DENND4C: variants seen among roughly 807,000 people sequenced by gnomAD.
The protein encoded by DENND4C is DENN domain-containing protein 4C.
A neutral mutation model predicts 203.0 loss-of-function variants in DENND4C; 108 were observed. That is an observed-to-expected ratio of 0.53 (90% CI 0.46 to 0.62). DENND4C has a LOEUF of 0.62. Among genes scored for constraint, DENND4C ranks in the 20% least tolerant of loss-of-function variants. The pLI, the probability that DENND4C is intolerant of heterozygous loss-of-function variation, is 0.00. For missense variants in DENND4C, 2,481 were observed against 2,301.2 expected, an observed-to-expected ratio of 1.08 and a Z score of -1.60; for synonymous variants, 871 against 792.4, an observed-to-expected ratio of 1.10 and a Z score of -1.67.
intron 16 of DENND4C, among the ~76,000 whole-genome samples, chr9:19,330,538 C>A (rs1372942256): frequency 6.6e-6 from 1 of 151,690 alleles, no homozygotes; most frequent in Admixed American, 6.6e-5. Flanking sequence ...CAGGGCTTTA[C>A]CATGTTGGCC....
intron 17 of DENND4C, among the ~76,000 whole-genome samples, chr9:19,333,533 A>G (rs946366426): frequency 6.6e-5 from 10 of 152,178 alleles, no homozygotes; most frequent in African/African-American, 2.4e-4. Flanking sequence ...CCGGAGAGCG[A>G]AATTGCTCCT....
At chr9:19,367,515 C>A (rs35632082) in intron 30 of DENND4C, among the ~76,000 whole-genome samples, 3 of 152,144 alleles carry the variant, frequency 2.0e-5, no homozygotes, top group Admixed American at 2.0e-4. Context: ...GCCGGCAGAT[C>A]ACTTGAGGTC....
At chr9:19,242,294 A>G (rs1190474690) in intron 1 of DENND4C, among the ~76,000 whole-genome samples, 2 of 152,236 alleles carry the variant, frequency 1.3e-5, no homozygotes, top group African/African-American at 4.8e-5. Flanking sequence ...TTGTATGGAT[A>G]TATTCCAGTT....
chr9:19,306,675 G>A (rs1839720761), intron 10 of DENND4C, among the ~76,000 whole-genome samples: 1 of 151,676 alleles, frequency 6.6e-6, no homozygotes, highest in Non-Finnish European at 1.5e-5. Context: ...GCAGTTTTGA[G>A]TAACTTTTAT....
chr9:19,274,230 C>T (rs1273889288), intron 1 of DENND4C, among the ~76,000 whole-genome samples: 3 of 151,740 alleles, frequency 2.0e-5, no homozygotes, highest in Non-Finnish European at 4.4e-5. Flanking sequence ...AAGCTGATAA[C>T]TTGTTGCCTG....
chr9:19,336,621 A>G (rs1253791537), intron 19 of DENND4C, 65 bp from the exon 20 acceptor site: 16 of 1,487,938 alleles, frequency 1.1e-5, no homozygotes, highest in East Asian at 5.0e-5. Context: ...CTGTGGGTCA[A>G]TCATGTTTAG....
At chr9:19,237,557 A>G (rs965005184) in intron 1 of DENND4C, among the ~76,000 whole-genome samples, 2 of 151,766 alleles carry the variant, frequency 1.3e-5, no homozygotes, top group African/African-American at 2.4e-5. Flanking sequence ...CAGGGTTTCA[A>G]TGTGTTAGCC....
intron 1 of DENND4C, among the ~76,000 whole-genome samples, chr9:19,241,514 C>CT (rs71496809): frequency 0.078 from 11,204 of 143,274 alleles, 509 homozygotes; most frequent in South Asian, 0.16. Context: ...TTTCGTTTTT[C>CT]TTTTTTTTTT....
At chr9:19,260,007 G>C (rs1828964854) in intron 1 of DENND4C, among the ~76,000 whole-genome samples, 1 of 152,094 alleles carries the variant, frequency 6.6e-6, no homozygotes, top group African/African-American at 2.4e-5. Context: ...TTGTATGATA[G>C]TTCTGTTTCT....
chr9:19,336,896 A>C, intron 20 of DENND4C, 64 bp downstream of exon 20: 1 of 1,467,750 alleles, frequency 6.8e-7, no homozygotes, highest in Non-Finnish European at 9.2e-7. Flanking sequence ...CCTTTTTCAA[A>C]AAGCTTCTTC....
chr9:19,313,943 A>G (rs530751482), intron 10 of DENND4C, among the ~76,000 whole-genome samples: 2 of 152,206 alleles, frequency 1.3e-5, no homozygotes, highest in Non-Finnish European at 2.9e-5. Context: ...TTAGCTAGGT[A>G]TGGTGGCATG....
intron 10 of DENND4C, among the ~76,000 whole-genome samples, chr9:19,310,806 C>A (rs533933608): frequency 6.6e-6 from 1 of 151,878 alleles, no homozygotes; most frequent in Non-Finnish European, 1.5e-5. Flanking sequence ...AAAAAAAAAA[C>A]CTTTTTGTTC....
intron 10 of DENND4C, among the ~76,000 whole-genome samples, chr9:19,306,436 T>C (rs1839674343): frequency 6.6e-6 from 1 of 152,216 alleles, no homozygotes; most frequent in African/African-American, 2.4e-5. Context: ...GCTCCTTATG[T>C]ATATTTAGAT....
chr9:19,253,079 C>G (rs1488637215), intron 1 of DENND4C, among the ~76,000 whole-genome samples: 22 of 152,202 alleles, frequency 1.4e-4, no homozygotes, highest in Non-Finnish European at 1.5e-5. Context: ...TGATTCCTCT[C>G]TTGACTTTTA....
chr9:19,301,793 T>C (rs1176534726), intron 9 of DENND4C, among the ~76,000 whole-genome samples: 5 of 151,986 alleles, frequency 3.3e-5, no homozygotes, highest in Non-Finnish European at 7.4e-5. Context: ...AAAAATTAGC[T>C]GGGCGTGGTG....
At chr9:19,298,413 C>T (rs1166948694) in intron 7 of DENND4C, among the ~76,000 whole-genome samples, 1 of 152,070 alleles carries the variant, frequency 6.6e-6, no homozygotes, top group Non-Finnish European at 1.5e-5. Context: ...TATGTTTGGG[C>T]ATGTTTTTAA....
intron 30 of DENND4C, among the ~76,000 whole-genome samples, chr9:19,365,705 T>C (rs1469266831): frequency 9.4e-6 from 1 of 106,700 alleles, no homozygotes; most frequent in Non-Finnish European, 2.3e-5. Flanking sequence ...ACACACACCA[T>C]ATTAGAACTG....
At chr9:19,244,199 T>G (rs1401759572) in intron 1 of DENND4C, among the ~76,000 whole-genome samples, 2 of 152,114 alleles carry the variant, frequency 1.3e-5, no homozygotes, top group African/African-American at 4.8e-5. Context: ...CCTGGCTAAA[T>G]TTTGTATTTT....
chr9:19,370,184 A>C lies in DENND4C; in HGVS notation c.5675+197A>C, dbSNP rs995996187. On this transcript the variant is annotated intron_variant, in intron 31 of 32. Coordinates refer to ENST00000434457, the MANE Select transcript of DENND4C (RefSeq NM_001330640.2). ...TAATAAAAGTGTCTGGGGGCTTGGC[A>C]CGGTGGCTCACACCTGTAATCCCAG... is the stretch of plus-strand genomic sequence containing the variant. The C allele has an allele frequency of 4.9e-6, 3 of 609,238 alleles. No individual in the cohort carries two copies. In the East Asian group the frequency reaches 1.1e-4, roughly 22 times the overall value. 37.7% of individuals were successfully genotyped at this position (609,238 alleles called of 1,614,324 possible).
Sources: allele counts gnomAD v4.1 joint callset (sites outside exome capture counted in the v4.1 genomes callset), GRCh38; gene constraint gnomAD v4.1.1; transcripts MANE v1.5; gene names NCBI Gene and HGNC (gene_info 2026-07-23, HGNC 2026-07-21).